Variants in AAGAB observed in about 807,000 individuals in gnomAD.
The protein encoded by AAGAB is alpha and gamma adaptin binding protein, also known as alpha- and gamma-adaptin-binding protein p34.
Under a neutral mutation model 44.1 loss-of-function variants are expected in AAGAB, and 38 were observed. The ratio of observed to expected loss-of-function variants is 0.86; its 90% CI spans 0.67 to 1.13. AAGAB has a LOEUF of 1.13. AAGAB is among the 50% of genes most tolerant of loss of function. The pLI is 0.00. For missense variants in AAGAB, 450 were observed against 373.8 expected, an observed-to-expected ratio of 1.20 and a Z score of -1.68; for synonymous variants, 131 against 131.8, an observed-to-expected ratio of 0.99 and a Z score of 0.04.
upstream of AAGAB, chr15:67,255,024 C>G: frequency 7.2e-7 from 1 of 1,389,346 alleles, no homozygotes; most frequent in Non-Finnish European, 1.0e-6. Context: ...GCCGATTCAC[C>G]GACGCTCACC....
At chr15:67,213,356 T>A (rs1052417273) in intron 5 of AAGAB, among the ~76,000 whole-genome samples, 1 of 152,170 alleles carries the variant, frequency 6.6e-6, no homozygotes, top group Non-Finnish European at 1.5e-5. Flanking sequence ...TGATTTTTTT[T>A]AACAATAAGA....
chr15:67,224,066 T>C (rs1964144225), intron 5 of AAGAB, among the ~76,000 whole-genome samples: 2 of 152,226 alleles, frequency 1.3e-5, no homozygotes, highest in South Asian at 4.1e-4. Flanking sequence ...AAATCACTTA[T>C]CATCTCCTAA....
intron 1 of AAGAB, among the ~76,000 whole-genome samples, chr15:67,241,331 C>T (rs773207162): frequency 2.0e-5 from 3 of 152,170 alleles, no homozygotes; most frequent in Non-Finnish European, 2.9e-5. Context: ...GAAGTGACAG[C>T]TGCCACCTCA....
intron 1 of AAGAB, among the ~76,000 whole-genome samples, chr15:67,245,594 A>C (rs1290940179): frequency 6.6e-6 from 1 of 152,248 alleles, no homozygotes; most frequent in Non-Finnish European, 1.5e-5. Flanking sequence ...TTATACAATT[A>C]AAACAGGCAG....
At chr15:67,221,992 C>A (rs1411205736) in intron 5 of AAGAB, among the ~76,000 whole-genome samples, 5 of 152,036 alleles carry the variant, frequency 3.3e-5, no homozygotes, top group Non-Finnish European at 7.4e-5. Flanking sequence ...TTTTCCAAGT[C>A]CCTCTCAGTT....
chr15:67,254,492 G>A (rs1965018356), intron 1 of AAGAB, 67 bp downstream of exon 1: 1 of 1,528,260 alleles, frequency 6.5e-7, no homozygotes, highest in Non-Finnish European at 8.8e-7. Context: ...AGAGGCCGTG[G>A]TGCTGGGTCC....
chr15:67,233,343 C>A (rs1964386475), intron 4 of AAGAB, among the ~76,000 whole-genome samples: 1 of 152,046 alleles, frequency 6.6e-6, no homozygotes, highest in Non-Finnish European at 1.5e-5. Flanking sequence ...TTGACTGATA[C>A]TACTCAAAAT....
chr15:67,251,381 C>T (rs893094028), intron 1 of AAGAB, among the ~76,000 whole-genome samples: 3 of 152,002 alleles, frequency 2.0e-5, no homozygotes, highest in South Asian at 2.1e-4. Flanking sequence ...GGAGCTAGGA[C>T]GAAAGGCACA....
At chr15:67,204,573 C>G (rs1194516581) in intron 7 of AAGAB, among the ~76,000 whole-genome samples, 1 of 152,026 alleles carries the variant, frequency 6.6e-6, no homozygotes, top group African/African-American at 2.4e-5. Flanking sequence ...CTATTACCGA[C>G]AACCACTATA....
chr15:67,235,943 A>G (rs913792784), intron 4 of AAGAB, 36 bp downstream of exon 4: 1 of 1,391,356 alleles, frequency 7.2e-7, no homozygotes, highest in Admixed American at 2.0e-5. Flanking sequence ...TCTCATATCT[A>G]AGTGCCATAT....
intron 1 of AAGAB, 117 bp downstream of exon 1, chr15:67,254,442 G>C: frequency 6.9e-7 from 1 of 1,458,146 alleles, no homozygotes; most frequent in South Asian, 1.4e-5. Flanking sequence ...TCCACTGACT[G>C]GAGGAAGAAC....
intron 1 of AAGAB, among the ~76,000 whole-genome samples, chr15:67,238,020 T>C (rs921978153): frequency 2.6e-5 from 4 of 152,228 alleles, no homozygotes; most frequent in Non-Finnish European, 5.9e-5. Context: ...TATGAATATA[T>C]ACATGCATGA....
At chr15:67,208,718 CA>C in intron 6 of AAGAB, 60 bp from the exon 7 acceptor site, 2 of 1,462,206 alleles carry the variant, frequency 1.4e-6, no homozygotes, top group African/African-American at 1.4e-5. Flanking sequence ...GAACTAAATC[CA>C]AAAAAGCTCA....
intron 1 of AAGAB, among the ~76,000 whole-genome samples, chr15:67,252,265 A>G (rs986815704): frequency 6.6e-6 from 1 of 152,236 alleles, no homozygotes; most frequent in African/African-American, 2.4e-5. Context: ...AATAATTAAT[A>G]TTCCTGAGAT....
intron 5 of AAGAB, among the ~76,000 whole-genome samples, 182 bp downstream of exon 5, chr15:67,231,632 C>G (rs1251452706): frequency 6.6e-6 from 1 of 152,230 alleles, no homozygotes; most frequent in Non-Finnish European, 1.5e-5. Context: ...ACTGAATTAA[C>G]TATTAAACGT....
At chr15:67,250,359 T>G (rs926741161) in intron 1 of AAGAB, among the ~76,000 whole-genome samples, 5 of 152,126 alleles carry the variant, frequency 3.3e-5, no homozygotes, top group African/African-American at 1.2e-4. Context: ...GAATTTTTAG[T>G]AGAGACGGGG....
chr15:67,237,536 T>C (rs1348633258), intron 1 of AAGAB, among the ~76,000 whole-genome samples: 1 of 152,090 alleles, frequency 6.6e-6, no homozygotes, highest in Non-Finnish European at 1.5e-5. Flanking sequence ...TAACAGGAAA[T>C]CCCCACAGTA....
rs933665057 is a variant in AAGAB at position 67,202,335 on chromosome 15, A to G, written c.*486T>C. 9.6e-5 allele frequency: 15 copies of G among 156,350 alleles called. No individual in the cohort carries two copies. The highest frequency in any genetic ancestry group is 2.7e-4 in the African/African-American group (11 of 41,478). The allele number at this position is 156,350 out of a possible 1,614,324, so 9.7% of individuals were successfully genotyped here. A position where few individuals can be genotyped will look rare whatever the true frequency, so the allele number is the denominator to read the frequency against. ...CTTCGGCCCCACATAGCTCACATCA[A>G]TTCTGCAGCTGCCTCCTTTCCTCCC... On this transcript the variant is annotated 3_prime_UTR_variant, in exon 10 of 10. Coordinates refer to ENST00000261880, the MANE Select transcript of AAGAB (RefSeq NM_024666.5).
intron 5 of AAGAB, among the ~76,000 whole-genome samples, chr15:67,216,639 C>T (rs2140355059): frequency 6.6e-6 from 1 of 150,638 alleles, no homozygotes; most frequent in South Asian, 2.1e-4. Context: ...AAGCTTTATT[C>T]TAATTCCAAT....
Sources: allele counts gnomAD v4.1 joint callset (sites outside exome capture counted in the v4.1 genomes callset), GRCh38; gene constraint gnomAD v4.1.1; transcripts MANE v1.5; gene names NCBI Gene and HGNC (gene_info 2026-07-23, HGNC 2026-07-21).